The following TXNL1 variants were observed in gnomAD, a reference collection of about 807,000 sequenced individuals.
The protein encoded by TXNL1 is thioredoxin-like protein 1.
Under a neutral mutation model 35.5 loss-of-function variants are expected in TXNL1, and 14 were observed. That is an observed-to-expected ratio of 0.39 (90% confidence interval 0.26 to 0.62). The LOEUF is 0.62. Ranked by LOEUF, TXNL1 falls within the 20% of genes least tolerant of loss-of-function variation. TXNL1 has a pLI of 0.47. For missense variants in TXNL1, 263 were observed against 349.7 expected (o/e 0.75, Z 1.98); for synonymous variants, 110 against 115.5 (o/e 0.95, Z 0.31).
intron 3 of TXNL1, among the ~76,000 whole-genome samples, chr18:56,619,213 CAAAAAAA>C (rs780757654): frequency 7.7e-5 from 5 of 64,988 alleles, no homozygotes; most frequent in African/African-American, 2.8e-4. Context: ...GACCCTGTCT[CAAAAAAA>C]AAAAAAAAAA....
chr18:56,627,879 A>C (rs2024311464), intron 1 of TXNL1, among the ~76,000 whole-genome samples: 1 of 151,838 alleles, frequency 6.6e-6, no homozygotes, highest in African/African-American at 2.4e-5. Context: ...AAGGTTTGAC[A>C]GACTGGACTA....
At chr18:56,613,562 C>T (rs2024031460) in intron 6 of TXNL1, among the ~76,000 whole-genome samples, 1 of 152,086 alleles carries the variant, frequency 6.6e-6, no homozygotes, top group African/African-American at 2.4e-5. Flanking sequence ...GCCTATAAAC[C>T]CAGCACTTTG....
chr18:56,626,470 G>T lies in TXNL1; in HGVS notation c.99-13C>A, dbSNP rs2024280965. The T allele has an allele frequency of 6.3e-7, 1 of 1,590,460 alleles. No individual in the cohort carries two copies. The highest frequency in any genetic ancestry group is 2.2e-5 in the East Asian group (1 of 44,726). Reference sequence around the variant, plus strand: ...ACATGGCCCACACCTGTTAGAAAAGGAAAATTAAGTAAAATAACACTAAAG... The same window carrying T: ...ACATGGCCCACACCTGTTAGAAAAGTAAAATTAAGTAAAATAACACTAAAG... On this transcript the variant is annotated splice_polypyrimidine_tract_variant and intron_variant, in intron 1 of 7. Transcript: ENST00000217515.
intron 5 of TXNL1, among the ~76,000 whole-genome samples, chr18:56,614,849 G>GACAC (rs148431440): frequency 6.6e-6 from 1 of 151,920 alleles, no homozygotes; most frequent in Non-Finnish European, 1.5e-5. Context: ...GATTTAAACA[G>GACAC]ACACACACAC....
chr18:56,607,063 C>T (rs888973190), intron 7 of TXNL1, among the ~76,000 whole-genome samples: 1 of 152,088 alleles, frequency 6.6e-6, no homozygotes, highest in African/African-American at 2.4e-5. Flanking sequence ...GATCCTAGCT[C>T]GCTGCAGCCT....
chr18:56,631,044 C>A (rs999384534), intron 1 of TXNL1, among the ~76,000 whole-genome samples: 3 of 151,994 alleles, frequency 2.0e-5, no homozygotes, highest in Non-Finnish European at 4.4e-5. Flanking sequence ...CCATACCCTG[C>A]CAATTTTTGA....
chr18:56,623,500 T>C (rs1010921047), intron 3 of TXNL1, among the ~76,000 whole-genome samples: 2 of 152,086 alleles, frequency 1.3e-5, no homozygotes, highest in African/African-American at 4.8e-5. Flanking sequence ...GATCTGCCAG[T>C]GCAGTAACTT....
chr18:56,607,410 GCCTCCGGAAGT>G (rs2023917114), intron 7 of TXNL1, among the ~76,000 whole-genome samples: 1 of 151,744 alleles, frequency 6.6e-6, no homozygotes, highest in South Asian at 2.1e-4. Flanking sequence ...TCTAGCCTTG[GCCTCCGGAAGT>G]GATGGGATTA....
chr18:56,623,688 C>T lies in TXNL1; in HGVS notation c.369+600G>A, dbSNP rs997097959. ...ATACTCTGCAGTTTCCACACACTATCCTTTAGATTCTTAAGTCTTTATGTT... is the reference window on the plus strand; with the variant it reads ...ATACTCTGCAGTTTCCACACACTATTCTTTAGATTCTTAAGTCTTTATGTT... On this transcript the variant is annotated intron_variant, in intron 3 of 7. Transcript: ENST00000217515. Among the ~76,000 whole-genome samples, 9 of 152,176 alleles carry T rather than the reference C, an allele frequency of 5.9e-5. No individual in the cohort carries two copies. The South Asian group carries it at 1.9e-3, about 32-fold the overall frequency.
intron 3 of TXNL1, among the ~76,000 whole-genome samples, chr18:56,618,933 G>C (rs2144307374): frequency 6.6e-6 from 1 of 152,124 alleles, no homozygotes. Context: ...AAAAAGGCCT[G>C]GTACGATGGC....
rs1320014588 is a variant in TXNL1, at chr18:56,602,937, T to C, written c.*90A>G. On this transcript the variant is annotated 3_prime_UTR_variant, in exon 8 of 8. Transcript: ENST00000217515. ...ATGATTTATTGGTAATGGCAATGAA[T>C]GAAACATTGACAGTCTCTGGCGAGA... The C allele has an allele frequency of 7.4e-7, 1 of 1,346,568 alleles. No individual in the cohort carries two copies. Among genetic ancestry groups the C allele is most frequent in the East Asian group, 2.3e-5 (1 of 43,402 alleles). 83.4% of individuals were successfully genotyped at this position (1,346,568 alleles called of 1,614,324 possible).
Position 56,638,345 on chromosome 18 carries a change from T to C in TXNL1, c.96A>G (p.Arg32=). The C allele has an allele frequency of 6.2e-7, 1 of 1,612,252 alleles. No individual in the cohort carries two copies. The highest frequency in any genetic ancestry group is 1.1e-5 in the South Asian group (1 of 90,774). The change falls in exon 1 of 8, where the codon AGA becomes AGG. Residue 32 remains arginine, a splice_region_variant and synonymous_variant. Transcript: ENST00000217515. ...ACAGAGCTCGAGCCTGGCCTCACCC[T>C]CTCATGGTGAACTTGACCACGGCGA... ...SRLAVVKFTM[R]GCGPCLRIAP...
chr18:56,626,053 G>A, intron 2 of TXNL1: 1 of 384,580 alleles, frequency 2.6e-6, no homozygotes, highest in Non-Finnish European at 3.8e-6. Flanking sequence ...GGGGGTAGAA[G>A]ATATAATTCT....
chr18:56,621,611 A>G (rs2024188017), intron 3 of TXNL1, among the ~76,000 whole-genome samples: 1 of 152,212 alleles, frequency 6.6e-6, no homozygotes. Flanking sequence ...TATTCTGAAA[A>G]CCTGCAATGA....
chr18:56,627,520 T>C (rs1406368789), intron 1 of TXNL1, among the ~76,000 whole-genome samples: 1 of 152,168 alleles, frequency 6.6e-6, no homozygotes, highest in Non-Finnish European at 1.5e-5. Context: ...ATATAGTACT[T>C]GTACAAGAAT....
intron 1 of TXNL1, 83 bp downstream of exon 1, chr18:56,638,260 G>A: frequency 7.1e-7 from 1 of 1,411,376 alleles, no homozygotes; most frequent in African/African-American, 1.4e-5. Context: ...GCAGCAGACG[G>A]CTAGGAAACC....
intron 1 of TXNL1, among the ~76,000 whole-genome samples, chr18:56,632,209 T>C (rs1226304986): frequency 1.3e-5 from 2 of 152,176 alleles, no homozygotes; most frequent in Non-Finnish European, 2.9e-5. Flanking sequence ...TCAAGATAAG[T>C]GTCTTATCTT....
At chr18:56,635,010 C>A (rs1703709961) in intron 1 of TXNL1, among the ~76,000 whole-genome samples, 1 of 152,168 alleles carries the variant, frequency 6.6e-6, no homozygotes, top group Non-Finnish European at 1.5e-5. Flanking sequence ...ACCTGTAACC[C>A]CAGCAATTTG....
Position 56,611,018 on chromosome 18 carries a change from G to T in TXNL1, c.815C>A (p.Ala272Glu). 6.2e-7 allele frequency: 1 copy of T among 1,605,988 alleles called. No homozygotes were observed. The highest frequency in any genetic ancestry group is 8.5e-7 in the Non-Finnish European group (1 of 1,176,978). ...TCGTTTGAAGTCATTCATATTTGTTGCCTGGACTGGAGTACCAATAAAAGT... is the reference window on the plus strand; with the variant it reads ...TCGTTTGAAGTCATTCATATTTGTTTCCTGGACTGGAGTACCAATAAAAGT... The part of the protein sequence containing the change: ...YFTFIGTPVQ[A>E]TNMNDFKRVV... Residue 272 changes from alanine (A) to glutamate (E), a missense_variant, in exon 7 of 8, where the codon GCA becomes GAA. Physicochemically the swap from Ala to Glu is moderately radical, Grantham distance 107 (BLOSUM62 -1). Coordinates refer to ENST00000217515, the MANE Select transcript of TXNL1 (RefSeq NM_004786.3).
Sources: allele counts gnomAD v4.1 joint callset (sites outside exome capture counted in the v4.1 genomes callset), GRCh38; gene constraint gnomAD v4.1.1; transcripts MANE v1.5; gene names NCBI Gene and HGNC (gene_info 2026-07-23, HGNC 2026-07-21).